ARHGAP15: variants seen among roughly 807,000 people sequenced by gnomAD.
ARHGAP15 encodes rho GTPase-activating protein 15.
Under a neutral mutation model 63.7 loss-of-function variants are expected in ARHGAP15, and 51 were observed. That is an observed-to-expected ratio of 0.80 (90% CI 0.64 to 1.01). ARHGAP15 has a LOEUF of 1.01. Among genes scored for constraint, ARHGAP15 ranks in the 50% least tolerant of loss-of-function variants. The probability of loss-of-function intolerance (pLI) is 0.00; values close to 1 mark genes in which losing one functional copy is unlikely to be tolerated. For synonymous variants in ARHGAP15, 191 were observed against 193.8 expected (o/e 0.99, Z 0.12); for missense variants, 560 against 564.6 (o/e 0.99, Z 0.08).
At chr2:143,263,077 C>A (rs1558851481) in intron 6 of ARHGAP15, among the ~76,000 whole-genome samples, 1 of 152,016 alleles carries the variant, frequency 6.6e-6, no homozygotes, top group East Asian at 1.9e-4. Context: ...ATTGAACCCC[C>A]AAAAAACAGG....
intron 2 of ARHGAP15, among the ~76,000 whole-genome samples, chr2:143,160,552 A>G (rs949638358): frequency 6.6e-6 from 1 of 151,986 alleles, no homozygotes; most frequent in Admixed American, 6.6e-5. Context: ...GCTGCTTTCA[A>G]GACAGTGCTT....
intron 6 of ARHGAP15, among the ~76,000 whole-genome samples, chr2:143,352,753 C>T (rs1371871587): frequency 6.6e-6 from 1 of 152,078 alleles, no homozygotes; most frequent in African/African-American, 2.4e-5. Flanking sequence ...CATTGACCAA[C>T]ATTTTACAAA....
chr2:143,556,635 A>G, intron 11 of ARHGAP15, 150 bp downstream of exon 11: 1 of 554,174 alleles, frequency 1.8e-6, no homozygotes. Flanking sequence ...GAAAAGTAAA[A>G]GATAACCAAC....
chr2:143,379,534 TGA>T (rs1228207710), intron 6 of ARHGAP15, among the ~76,000 whole-genome samples: 5 of 134,338 alleles, frequency 3.7e-5, no homozygotes, highest in South Asian at 2.3e-4. Flanking sequence ...TGTGTGTGTA[TGA>T]GAGAGAGAGA....
At chr2:143,623,177 C>G (rs891644007) in intron 11 of ARHGAP15, among the ~76,000 whole-genome samples, 1 of 152,160 alleles carries the variant, frequency 6.6e-6, no homozygotes, top group Non-Finnish European at 1.5e-5. Context: ...CTTTGTACCT[C>G]GCTTCCTTTT....
At chr2:143,386,119 G>A (rs1443532025) in intron 6 of ARHGAP15, among the ~76,000 whole-genome samples, 1 of 152,096 alleles carries the variant, frequency 6.6e-6, no homozygotes, top group Non-Finnish European at 1.5e-5. Context: ...TATCAATAGA[G>A]GGAGGAAACG....
At chr2:143,240,067 G>A (rs1028631949) in intron 5 of ARHGAP15, among the ~76,000 whole-genome samples, 6 of 145,378 alleles carry the variant, frequency 4.1e-5, no homozygotes, top group Non-Finnish European at 7.5e-5. Flanking sequence ...GTCCAGCTAC[G>A]TAGGAGGTCG....
At chr2:143,765,120 T>C (rs978518975) in intron 13 of ARHGAP15, among the ~76,000 whole-genome samples, 2 of 113,062 alleles carry the variant, frequency 1.8e-5, no homozygotes, top group Non-Finnish European at 4.2e-5. Flanking sequence ...TGTGTGTGTG[T>C]GTGTGTGTGT....
intron 11 of ARHGAP15, among the ~76,000 whole-genome samples, chr2:143,561,454 C>T (rs972439772): frequency 1.3e-4 from 20 of 152,032 alleles, no homozygotes; most frequent in African/African-American, 4.8e-4. Context: ...TCTCTGTTTT[C>T]CTGAACTGAA....
chr2:143,453,299 G>A (rs1388535410), intron 8 of ARHGAP15, among the ~76,000 whole-genome samples: 1 of 151,874 alleles, frequency 6.6e-6, no homozygotes, highest in Admixed American at 6.6e-5. Flanking sequence ...TGAGGTTGAT[G>A]GTTTCTGCAA....
chr2:143,591,627 C>CTTTTTTTTTTTTTT (rs975290171), intron 11 of ARHGAP15, among the ~76,000 whole-genome samples: 1 of 89,764 alleles, frequency 1.1e-5, no homozygotes, highest in Non-Finnish European at 2.3e-5. Context: ...TTTTTTTTTT[C>CTTTTTTTTTTTTTT]TTTTTTTTTT....
At chr2:143,526,106 C>T (rs932141822) in intron 10 of ARHGAP15, among the ~76,000 whole-genome samples, 8 of 151,502 alleles carry the variant, frequency 5.3e-5, no homozygotes, top group South Asian at 4.1e-4. Context: ...ACTCTGTATA[C>T]GGAGCTGGTT....
At chr2:143,489,015 T>C (rs1264402541) in intron 9 of ARHGAP15, among the ~76,000 whole-genome samples, 1 of 152,230 alleles carries the variant, frequency 6.6e-6, no homozygotes, top group Non-Finnish European at 1.5e-5. Flanking sequence ...GAATTCATCC[T>C]ATAGATGATC....
intron 6 of ARHGAP15, chr2:143,305,527 C>G (rs1683126813): frequency 1.3e-5 from 2 of 152,008 alleles, no homozygotes; most frequent in African/African-American, 4.8e-5. Flanking sequence ...GGTGCTTCAT[C>G]AGACTTGTAA....
intron 8 of ARHGAP15, among the ~76,000 whole-genome samples, chr2:143,441,828 T>A (rs4343417): frequency 6.6e-6 from 1 of 152,104 alleles, no homozygotes; most frequent in African/African-American, 2.4e-5. Context: ...TAAGTTATCA[T>A]AAAAAACAAA....
chr2:143,334,544 G>T (rs974040365), intron 6 of ARHGAP15, among the ~76,000 whole-genome samples: 2 of 152,134 alleles, frequency 1.3e-5, no homozygotes, highest in African/African-American at 4.8e-5. Context: ...ATGGTGATAA[G>T]ATGTAAAGCA....
At chr2:143,638,558 G>A (rs1221184805) in intron 12 of ARHGAP15, among the ~76,000 whole-genome samples, 5 of 148,838 alleles carry the variant, frequency 3.4e-5, no homozygotes, top group Admixed American at 6.7e-5. Context: ...GCTAGATGAC[G>A]AGTTAGTGGG....
chr2:143,434,201 T>C (rs1689508409), intron 6 of ARHGAP15, among the ~76,000 whole-genome samples: 1 of 152,086 alleles, frequency 6.6e-6, no homozygotes, highest in Admixed American at 6.6e-5. Context: ...CAATTAAATC[T>C]TTTTATTTTT....
chr2:143,696,078 T>C (rs1683831865), intron 12 of ARHGAP15, among the ~76,000 whole-genome samples: 1 of 152,130 alleles, frequency 6.6e-6, no homozygotes, highest in African/African-American at 2.4e-5. Context: ...AATTTTACAC[T>C]CGTTGATTTG....
Sources: allele counts gnomAD v4.1 joint callset (sites outside exome capture counted in the v4.1 genomes callset), GRCh38; gene constraint gnomAD v4.1.1; transcripts MANE v1.5; gene names NCBI Gene and HGNC (gene_info 2026-07-23, HGNC 2026-07-21).